The following CACNA2D3 variants were observed in gnomAD, a reference collection of about 807,000 sequenced individuals.
CACNA2D3 encodes voltage-dependent calcium channel subunit alpha-2/delta-3.
Under a neutral mutation model 160.6 loss-of-function variants are expected in CACNA2D3, and 60 were observed. The ratio of observed to expected loss-of-function variants is 0.37; its 90% CI spans 0.30 to 0.46. CACNA2D3 has a LOEUF of 0.46. Among genes scored for constraint, CACNA2D3 ranks in the 20% least tolerant of loss-of-function variants. The pLI is 1.00. For synonymous variants in CACNA2D3, 558 were observed against 492.9 expected, an observed-to-expected ratio of 1.13 and a Z score of -1.75; for missense variants, 1,205 against 1,365.0, an observed-to-expected ratio of 0.88 and a Z score of 1.85.
intron 11 of CACNA2D3, among the ~76,000 whole-genome samples, chr3:54,749,869 AC>A (rs1274921891): frequency 1.3e-5 from 2 of 152,238 alleles, no homozygotes; most frequent in Non-Finnish European, 2.9e-5. Flanking sequence ...AACCAATGAA[AC>A]AAATATAATA....
intron 35 of CACNA2D3, among the ~76,000 whole-genome samples, chr3:55,065,057 A>AT (rs1704603689): frequency 6.6e-6 from 1 of 152,168 alleles, no homozygotes; most frequent in African/African-American, 2.4e-5. Context: ...GACTCTAATT[A>AT]GCCTGCTCTG....
At chr3:54,236,447 A>T (rs774410428) in intron 2 of CACNA2D3, among the ~76,000 whole-genome samples, 1 of 152,214 alleles carries the variant, frequency 6.6e-6, no homozygotes, top group Non-Finnish European at 1.5e-5. Context: ...CTGTAAATCT[A>T]AAACTATTCT....
chr3:54,463,815 G>T (rs1296057210), intron 4 of CACNA2D3, among the ~76,000 whole-genome samples: 5 of 152,228 alleles, frequency 3.3e-5, no homozygotes, highest in African/African-American at 1.2e-4. Context: ...TGCTGGTGAG[G>T]AACTGCGTTC....
intron 11 of CACNA2D3, among the ~76,000 whole-genome samples, chr3:54,727,379 C>T (rs912521798): frequency 3.9e-5 from 6 of 152,160 alleles, no homozygotes; most frequent in African/African-American, 4.8e-5. Flanking sequence ...ACTAGAAATA[C>T]GATTTGACCC....
At chr3:55,062,853 G>A (rs1229679503) in intron 35 of CACNA2D3, among the ~76,000 whole-genome samples, 1 of 152,184 alleles carries the variant, frequency 6.6e-6, no homozygotes, top group Non-Finnish European at 1.5e-5. Context: ...GTTACAAAAA[G>A]AGAATTTTCT....
In CACNA2D3 at chr3:55,074,101, C is replaced by T. The variant is rs775757206; in HGVS notation, c.3184-13C>T. 4 of 1,608,494 alleles carry T rather than the reference C, an allele frequency of 2.5e-6. No homozygotes were observed. In the African/African-American group the frequency reaches 5.3e-5, roughly 21 times the overall value. On this transcript the variant is annotated splice_polypyrimidine_tract_variant and intron_variant, in intron 37 of 37. Transcript: ENST00000474759. The stretch of plus-strand genomic sequence containing the variant: ...TCTATTTCCGTCTAACCAACCCCTG[C>T]CTTTCCCCATAGGAGAATGCAAGGG...
intron 13 of CACNA2D3, among the ~76,000 whole-genome samples, chr3:54,772,467 G>C (rs1320439404): frequency 6.6e-6 from 1 of 151,446 alleles, no homozygotes; most frequent in East Asian, 2.0e-4. Context: ...GCACATGAGA[G>C]CCAATCATTG....
intron 3 of CACNA2D3, among the ~76,000 whole-genome samples, chr3:54,340,910 C>T (rs1698329309): frequency 6.6e-6 from 1 of 152,180 alleles, no homozygotes; most frequent in African/African-American, 2.4e-5. Context: ...GGTATGAGGT[C>T]AGAGCTGCTC....
intron 27 of CACNA2D3, among the ~76,000 whole-genome samples, chr3:54,944,396 GTATTTATTTATT>G (rs542683931): frequency 3.0e-4 from 45 of 148,634 alleles, no homozygotes; most frequent in South Asian, 1.5e-3. Context: ...ATTTCCCAGG[GTATTTATTTATT>G]TATTTATTTA....
chr3:54,857,747 T>C (rs768470034), intron 17 of CACNA2D3, among the ~76,000 whole-genome samples: 17 of 152,326 alleles, frequency 1.1e-4, no homozygotes, highest in Admixed American at 3.3e-4. Flanking sequence ...ATTGATTTGC[T>C]GTAGACTAGA....
chr3:54,867,554 G>A (rs1243506761), intron 17 of CACNA2D3, among the ~76,000 whole-genome samples: 2 of 143,700 alleles, frequency 1.4e-5, no homozygotes, highest in Admixed American at 6.9e-5. Flanking sequence ...GCCTTTAAAA[G>A]GGAAGGGGGA....
At chr3:54,841,031 A>G (rs1261824301) in intron 16 of CACNA2D3, among the ~76,000 whole-genome samples, 1 of 152,200 alleles carries the variant, frequency 6.6e-6, no homozygotes, top group African/African-American at 2.4e-5. Context: ...CCCAAGAGCC[A>G]TGATTTTAAC....
At chr3:55,028,858 C>T (rs967111378) in intron 35 of CACNA2D3, among the ~76,000 whole-genome samples, 5 of 152,140 alleles carry the variant, frequency 3.3e-5, no homozygotes, top group Non-Finnish European at 1.5e-5. Flanking sequence ...ACAAGCTTTG[C>T]TCATCTTCCT....
intron 13 of CACNA2D3, among the ~76,000 whole-genome samples, chr3:54,807,082 A>T (rs1703147626): frequency 6.6e-6 from 1 of 152,238 alleles, no homozygotes; most frequent in Admixed American, 6.5e-5. Flanking sequence ...TAAACATTAG[A>T]CCTAAAACCA....
intron 2 of CACNA2D3, among the ~76,000 whole-genome samples, chr3:54,265,781 C>CAA (rs539083078): frequency 1.5e-5 from 2 of 130,586 alleles, no homozygotes; most frequent in African/African-American, 5.6e-5. Context: ...CATATGAAGG[C>CAA]AAAAAAAAAA....
In CACNA2D3 at chr3:54,312,252, A is replaced by G. The variant is rs1703758152; in HGVS notation, c.205-8190A>G. 2.0e-5 allele frequency among the ~76,000 whole-genome samples: 3 copies of G among 152,320 alleles called. No homozygotes were observed. In the South Asian group the frequency reaches 6.2e-4, roughly 32 times the overall value. ...CAGGGCCTTCTGTTAATCCTCATGC[A>G]GTGATTTAATTATGTCGACTCTAGA... On this transcript the variant is annotated intron_variant, in intron 2 of 37. Transcript: ENST00000474759.
chr3:54,682,115 C>T (rs555894070), intron 11 of CACNA2D3, among the ~76,000 whole-genome samples: 42 of 151,756 alleles, frequency 2.8e-4, no homozygotes, highest in African/African-American at 1.0e-3. Flanking sequence ...GTTTATACTG[C>T]ATTCTGGCTG....
At chr3:54,231,895 A>C (rs1360479491) in intron 2 of CACNA2D3, among the ~76,000 whole-genome samples, 1 of 152,188 alleles carries the variant, frequency 6.6e-6, no homozygotes, top group Admixed American at 6.5e-5. Context: ...GGGAGTTCAC[A>C]AGAACCCAGG....
At chr3:54,142,381 G>GCTCAGT (rs1335924357) in intron 2 of CACNA2D3, among the ~76,000 whole-genome samples, 1 of 152,172 alleles carries the variant, frequency 6.6e-6, no homozygotes, top group African/African-American at 2.4e-5. Context: ...TATGCCAGGG[G>GCTCAGT]CTCAGTGCTG....
Sources: gnomAD v4.1 joint callset for allele counts (sites outside exome capture counted in the v4.1 genomes callset) on GRCh38, gnomAD v4.1.1 for gene constraint, MANE v1.5 for transcripts, NCBI Gene and HGNC (gene_info 2026-07-23, HGNC 2026-07-21) for gene names.